The following PITPNC1 variants were observed in gnomAD, a reference collection of about 807,000 sequenced individuals.
The protein encoded by PITPNC1 is cytoplasmic phosphatidylinositol transfer protein 1.
A neutral mutation model predicts 44.7 loss-of-function variants in PITPNC1; 18 were observed. That is an observed-to-expected ratio of 0.40 (90% CI 0.28 to 0.60). PITPNC1 has a LOEUF of 0.60. PITPNC1 is among the 20% of genes least tolerant of loss of function. The pLI is 0.39. For missense variants in PITPNC1, 290 were observed against 418.4 expected (o/e 0.69, Z 2.68); for synonymous variants, 141 against 149.6 (o/e 0.94, Z 0.42).
chr17:67,418,573 T>C (rs1598637177), intron 1 of PITPNC1, among the ~76,000 whole-genome samples: 1 of 152,062 alleles, frequency 6.6e-6, no homozygotes, highest in African/African-American at 2.4e-5. Context: ...TTTTTTCTTT[T>C]TGAGATGGAG....
chr17:67,526,266 G>A (rs530095611), intron 1 of PITPNC1, among the ~76,000 whole-genome samples: 1 of 152,316 alleles, frequency 6.6e-6, no homozygotes, highest in Non-Finnish European at 1.5e-5. Context: ...TTGGGGAAGG[G>A]TGAAGTGAAA....
intron 1 of PITPNC1, among the ~76,000 whole-genome samples, chr17:67,496,522 C>T (rs1260639094): frequency 6.6e-6 from 1 of 152,016 alleles, no homozygotes; most frequent in Admixed American, 6.6e-5. Context: ...GTCTTGAGTC[C>T]CAGCCTCCCC....
chr17:67,454,077 C>A (rs947989589), intron 1 of PITPNC1, among the ~76,000 whole-genome samples: 1 of 152,066 alleles, frequency 6.6e-6, no homozygotes. Flanking sequence ...ATGGTGAAAC[C>A]CCGTCTCTAC....
intron 7 of PITPNC1, among the ~76,000 whole-genome samples, chr17:67,675,010 CAAAAAA>C (rs11372163): frequency 8.8e-6 from 1 of 114,110 alleles, no homozygotes; most frequent in African/African-American, 3.4e-5. Context: ...GACTCTGTCT[CAAAAAA>C]AAAAAAAAAA....
intron 1 of PITPNC1, among the ~76,000 whole-genome samples, chr17:67,406,767 A>G (rs1188969041): frequency 6.6e-6 from 1 of 151,908 alleles, no homozygotes; most frequent in Admixed American, 6.6e-5. Flanking sequence ...TTGTATTTTT[A>G]GTAGAGGCAG....
At chr17:67,642,569 C>T (rs2042103598) in intron 6 of PITPNC1, among the ~76,000 whole-genome samples, 1 of 152,184 alleles carries the variant, frequency 6.6e-6, no homozygotes, top group Non-Finnish European at 1.5e-5. Flanking sequence ...ACAACCCTGG[C>T]TGCACCATTT....
intron 1 of PITPNC1, chr17:67,378,937 T>A: frequency 1.0e-6 from 1 of 982,714 alleles, no homozygotes; most frequent in Non-Finnish European, 1.2e-6. Context: ...GGCTGCCGGC[T>A]GGGGGCGCCG....
chr17:67,378,136 G>T lies in PITPNC1; in HGVS notation c.-19G>T, dbSNP rs14266. 6.5e-7 allele frequency: 1 copy of T among 1,528,196 alleles called. No homozygotes were observed. The highest frequency in any genetic ancestry group is 8.8e-7 in the Non-Finnish European group (1 of 1,139,038). 94.7% of individuals were successfully genotyped at this position (1,528,196 alleles called of 1,614,324 possible). On this transcript the variant is annotated 5_prime_UTR_variant, in exon 1 of 9. Coordinates refer to ENST00000581322, the MANE Select transcript of PITPNC1 (RefSeq NM_012417.4). ...GCGCCCCCCGCTTCCCGCCCCGGGG[G>T]TCCGCGGCCGGCAGGACCATGCTGC...
chr17:67,546,080 C>T (rs1171867443), intron 2 of PITPNC1, among the ~76,000 whole-genome samples: 2 of 151,898 alleles, frequency 1.3e-5, no homozygotes, highest in African/African-American at 4.8e-5. Context: ...GTAGTCCCAG[C>T]TACTCGGGAG....
intron 2 of PITPNC1, among the ~76,000 whole-genome samples, chr17:67,547,947 AT>A (rs2040707139): frequency 6.6e-6 from 1 of 152,120 alleles, no homozygotes; most frequent in Non-Finnish European, 1.5e-5. Flanking sequence ...CTGGATCTTT[AT>A]TTGCTGTGGT....
intron 1 of PITPNC1, among the ~76,000 whole-genome samples, chr17:67,409,363 C>T (rs1324484690): frequency 5.3e-5 from 8 of 151,968 alleles, no homozygotes; most frequent in East Asian, 1.9e-4. Context: ...GGATTACAGG[C>T]GTGAGCCACC....
chr17:67,548,810 C>T lies in PITPNC1; in HGVS notation c.198-3447C>T, dbSNP rs149749085. On this transcript the variant is annotated intron_variant, in intron 2 of 8. Transcript: ENST00000581322. ...GACTCGATTCAAACTTGCTGCCTTTCTAATAGAGAGGCTCTTGTTTGACAC... is the reference window on the plus strand; with the variant it reads ...GACTCGATTCAAACTTGCTGCCTTTTTAATAGAGAGGCTCTTGTTTGACAC... Among the ~76,000 whole-genome samples the T allele has an allele frequency of 2.1e-3, 314 of 152,168 alleles. 1 individual carries two copies. The highest frequency in any genetic ancestry group is 7.3e-3 in the African/African-American group (302 of 41,496).
chr17:67,385,961 CTGT>C (rs1295442715), intron 1 of PITPNC1, among the ~76,000 whole-genome samples: 2 of 152,156 alleles, frequency 1.3e-5, no homozygotes, highest in South Asian at 2.1e-4. Context: ...GGGAAGCAAA[CTGT>C]TGTTAACAAA....
At chr17:67,483,954 T>A (rs942185201) in intron 1 of PITPNC1, among the ~76,000 whole-genome samples, 1 of 150,918 alleles carries the variant, frequency 6.6e-6, no homozygotes, top group Non-Finnish European at 1.5e-5. Context: ...GTTTTGCTCT[T>A]GTTGCCCAGG....
chr17:67,469,150 T>C (rs1035660234), intron 1 of PITPNC1, among the ~76,000 whole-genome samples: 2 of 152,214 alleles, frequency 1.3e-5, no homozygotes, highest in Non-Finnish European at 2.9e-5. Context: ...GACCATTGTT[T>C]ACTTTTTGTT....
chr17:67,552,803 G>A (rs61124958), intron 3 of PITPNC1, among the ~76,000 whole-genome samples: 4,727 of 123,864 alleles, frequency 0.038, 261 homozygotes, highest in African/African-American at 0.14. Context: ...GCGAGACTCC[G>A]TCAAAAAAAA....
chr17:67,469,864 G>T (rs2039489134), intron 1 of PITPNC1, among the ~76,000 whole-genome samples: 1 of 152,082 alleles, frequency 6.6e-6, no homozygotes, highest in Non-Finnish European at 1.5e-5. Flanking sequence ...GGGGCTGAGA[G>T]ATTTTTTAAA....
intron 6 of PITPNC1, among the ~76,000 whole-genome samples, chr17:67,647,466 T>TTTTTTTTTG (rs1567757536): frequency 6.3e-5 from 4 of 63,732 alleles, no homozygotes; most frequent in African/African-American, 4.7e-4. Flanking sequence ...AATTTTGGGT[T>TTTTTTTTTG]TTTTTTTTTT....
At chr17:67,378,855 G>A (rs1370661194) in intron 1 of PITPNC1, 10 of 388,816 alleles carry the variant, frequency 2.6e-5, no homozygotes, top group Non-Finnish European at 3.5e-5. Context: ...GGGGAGCGGC[G>A]CGCGAGCCGG....
Sources: gnomAD v4.1 joint callset for allele counts (sites outside exome capture counted in the v4.1 genomes callset) on GRCh38, gnomAD v4.1.1 for gene constraint, MANE v1.5 for transcripts, NCBI Gene and HGNC (gene_info 2026-07-23, HGNC 2026-07-21) for gene names.